RAF1: variants seen among roughly 807,000 people sequenced by gnomAD.
RAF1 encodes RAF proto-oncogene serine/threonine-protein kinase.
RAF1 carries 27 observed loss-of-function variants against 81.1 expected under a neutral mutation model. The ratio of observed to expected loss-of-function variants is 0.33; its 90% CI spans 0.25 to 0.46. The LOEUF (loss-of-function observed/expected upper bound fraction) is 0.46, where lower values mean the gene tolerates loss of function less well. Among genes scored for constraint, RAF1 ranks in the 20% least tolerant of loss-of-function variants. The pLI is 1.00. For missense variants in RAF1, 598 were observed against 826.0 expected (o/e 0.72, Z 3.38); for synonymous variants, 298 against 294.0 (o/e 1.01, Z -0.14).
rs1023550685 is a variant in RAF1, at chr3:12,664,060, C to T, written c.-274G>A. ...AGGCAGCAGAAAGCCGTTCCCGCCT[C>T]ACAATCGTTTTCCTCTTACTCCCGC... On this transcript the variant is annotated 5_prime_UTR_variant, in exon 1 of 18. An upstream open reading frame in the 5' UTR loses its in-frame stop. Coordinates refer to ENST00000442415, the MANE Select transcript of RAF1 (RefSeq NM_001354689.3). 1.3e-5 allele frequency: 5 copies of T among 398,394 alleles called. No individual in the cohort carries two copies. Among genetic ancestry groups the T allele is most frequent in the Non-Finnish European group, 2.2e-5 (5 of 225,978 alleles). The allele number at this position is 398,394 out of a possible 1,614,324, so 24.7% of individuals were successfully genotyped here.
At chr3:12,636,619 C>G (rs1375621501) in intron 1 of RAF1, among the ~76,000 whole-genome samples, 1 of 151,876 alleles carries the variant, frequency 6.6e-6, no homozygotes, top group Non-Finnish European at 1.5e-5. Context: ...CCAGCCTGGG[C>G]AACATGGCGA....
chr3:12,624,885 C>CAAAAAAAAAA (rs11298876), intron 1 of RAF1, among the ~76,000 whole-genome samples: 9 of 111,706 alleles, frequency 8.1e-5, no homozygotes, highest in African/African-American at 2.5e-4. Flanking sequence ...GACTCCAACT[C>CAAAAAAAAAA]AAAAAAAAAA....
chr3:12,651,678 T>G (rs2060531995), intron 1 of RAF1, among the ~76,000 whole-genome samples: 2 of 144,054 alleles, frequency 1.4e-5, no homozygotes, highest in African/African-American at 2.6e-5. Context: ...ATACACGAAT[T>G]GATCACAGAA....
At chr3:12,592,451 G>C (rs1390899132) in intron 11 of RAF1, among the ~76,000 whole-genome samples, 1 of 152,144 alleles carries the variant, frequency 6.6e-6, no homozygotes, top group Non-Finnish European at 1.5e-5. Flanking sequence ...CTGGCACTGT[G>C]TATACTTTTA....
rs1467959139 is a variant in RAF1 at position 12,589,124 on chromosome 3, TAAAC to T, written c.1431-1491_1431-1488del. On this transcript the variant is annotated intron_variant, in intron 13 of 17. Coordinates refer to ENST00000442415, the MANE Select transcript of RAF1 (RefSeq NM_001354689.3). Reference sequence around the variant, plus strand: ...ACAGTCTGCAGAACCCCGAGTCAAATAAACCTCTTTTCTTTATAAATTACCCACC... The same window carrying T: ...ACAGTCTGCAGAACCCCGAGTCAAATCTCTTTTCTTTATAAATTACCCACC... The T allele has an allele frequency of 9.1e-5, 14 of 153,366 alleles. No homozygotes were observed. The South Asian group carries it at 2.5e-3, about 27-fold the overall frequency. The allele number at this position is 153,366 out of a possible 1,614,324, so 9.5% of individuals were successfully genotyped here. A position where few individuals can be genotyped will look rare whatever the true frequency, so the allele number is the denominator to read the frequency against.
chr3:12,639,529 G>A lies in RAF1; in HGVS notation c.-26-20782C>T, dbSNP rs192239201. Among the ~76,000 whole-genome samples the A allele has an allele frequency of 6.9e-3, 1,054 of 152,190 alleles. 6 individuals carry two copies. Among genetic ancestry groups the A allele is most frequent in the African/African-American group, 0.024 (994 of 41,520 alleles). ...GACAGGCAACTTCAGCAAAGTCTCAGGATACAAAATCAATGTGCAAAAATC... is the reference window on the plus strand; with the variant it reads ...GACAGGCAACTTCAGCAAAGTCTCAAGATACAAAATCAATGTGCAAAAATC... On this transcript the variant is annotated intron_variant, in intron 1 of 17. Coordinates refer to ENST00000442415, the MANE Select transcript of RAF1 (RefSeq NM_001354689.3).
intron 2 of RAF1, among the ~76,000 whole-genome samples, chr3:12,616,827 A>C (rs552905358): frequency 6.6e-6 from 1 of 152,188 alleles, no homozygotes; most frequent in South Asian, 2.1e-4. Flanking sequence ...TTTTGAACCC[A>C]AGTTTTCTCA....
rs890823225 is a variant in RAF1, at chr3:12,590,929, T to C, written c.1299A>G (p.Thr433=). ...GGGTCACAATTGCCAGGTTGTCCTT[T>C]GTCATGTACCCCATGAAAAGCAGAA... The change falls in exon 13 of 18, where the codon ACA becomes ACG. Residue 433 remains threonine, a synonymous_variant. Coordinates refer to ENST00000442415, the MANE Select transcript of RAF1 (RefSeq NM_001354689.3). 7 of 1,613,276 alleles carry C rather than the reference T, an allele frequency of 4.3e-6. No individual in the cohort carries two copies. The highest frequency in any genetic ancestry group is 4.0e-5 in the African/African-American group (3 of 74,906).
At chr3:12,649,313 C>T (rs1287570890) in intron 1 of RAF1, among the ~76,000 whole-genome samples, 1 of 151,928 alleles carries the variant, frequency 6.6e-6, no homozygotes, top group Non-Finnish European at 1.5e-5. Context: ...AAAATTTTTC[C>T]CTGGCCAGGC....
intron 1 of RAF1, among the ~76,000 whole-genome samples, chr3:12,651,639 G>A (rs1198765946): frequency 1.4e-5 from 2 of 141,780 alleles, no homozygotes; most frequent in African/African-American, 5.1e-5. Flanking sequence ...GGGCAATAGA[G>A]CGAGACTTGG....
intron 1 of RAF1, among the ~76,000 whole-genome samples, chr3:12,645,107 A>AAT (rs1420041344): frequency 7.3e-5 from 11 of 151,200 alleles, no homozygotes; most frequent in African/African-American, 2.7e-4. Flanking sequence ...CAAAAAAAAA[A>AAT]AAAAAAAAAA....
At position 12,592,186 on chromosome 3, in the gene RAF1, T is replaced by G. The variant is rs959371998; in HGVS notation, c.1169-394A>C. 7.6e-5 allele frequency: 26 copies of G among 341,852 alleles called. 1 individual carries two copies. The East Asian group carries it at 1.8e-3, about 24-fold the overall frequency. 21.2% of individuals were successfully genotyped at this position (341,852 alleles called of 1,614,324 possible). ...CTGGCAAGCCACAGAGGTGAGGTCATGTGTGACAGGTCAAAACCTTGTCCT... is the reference window on the plus strand; with the variant it reads ...CTGGCAAGCCACAGAGGTGAGGTCAGGTGTGACAGGTCAAAACCTTGTCCT... On this transcript the variant is annotated intron_variant, in intron 11 of 17. Coordinates refer to ENST00000442415, the MANE Select transcript of RAF1 (RefSeq NM_001354689.3).
rs557980124 is a variant in RAF1, at chr3:12,598,234, C to T, written c.1168+1457G>A. Among the ~76,000 whole-genome samples, 77 of 152,098 alleles carry T rather than the reference C, an allele frequency of 5.1e-4. No individual in the cohort carries two copies. The South Asian group carries it at 8.9e-3, about 18-fold the overall frequency. ...CGATGTTGCCCAAGCTGTTCTTGAA[C>T]TCCTAGGCTCAAGTGTTCTGCCTGC... is the stretch of plus-strand genomic sequence containing the variant. On this transcript the variant is annotated intron_variant, in intron 11 of 17. Transcript: ENST00000442415.
At position 12,584,954 on chromosome 3, in the gene RAF1, C is replaced by T. The variant is rs750077934; in HGVS notation, c.1756G>A (p.Ala586Thr). Residue 586 changes from alanine (A) to threonine (T), a missense_variant, in exon 17 of 18, where the codon GCC becomes ACC. Physicochemically the swap from Ala to Thr is moderately conservative, Grantham distance 58. Coordinates refer to ENST00000442415, the MANE Select transcript of RAF1 (RefSeq NM_001354689.3). Reference sequence around the variant, plus strand: ...TATAGCTTACTAAGATCTGGGGAGGCATATCCTCGGCCCACCATGAAGATG... The same window carrying T: ...TATAGCTTACTAAGATCTGGGGAGGTATATCCTCGGCCCACCATGAAGATG... 1 of 1,614,164 alleles carries T rather than the reference C, an allele frequency of 6.2e-7. No homozygotes were observed. Among genetic ancestry groups the T allele is most frequent in the Admixed American group, 1.7e-5 (1 of 60,022 alleles).
rs764064049 is a variant in RAF1 at position 12,585,666 on chromosome 3, A to T, written c.1596+15T>A. ...CCCTATACCAGAGACTGCTGGTGGG[A>T]GCCCAGATTCTCACCATCCAGAGGA... is the stretch of plus-strand genomic sequence containing the variant. On this transcript the variant is annotated intron_variant, in intron 15 of 17. Transcript: ENST00000442415. 1.3e-6 allele frequency: 2 copies of T among 1,587,076 alleles called. No individual in the cohort carries two copies. Among genetic ancestry groups the T allele is most frequent in the South Asian group, 1.1e-5 (1 of 90,514 alleles).
At chr3:12,611,019 T>C (rs1190703147) in intron 3 of RAF1, among the ~76,000 whole-genome samples, 5 of 151,896 alleles carry the variant, frequency 3.3e-5, no homozygotes, top group Non-Finnish European at 5.9e-5. Flanking sequence ...AAAAAAAAAT[T>C]AGTGAATGAG....
chr3:12,612,165 C>A (rs905925234), intron 2 of RAF1, 103 bp from the exon 3 acceptor site: 10 of 847,890 alleles, frequency 1.2e-5, no homozygotes, highest in African/African-American at 5.0e-5. Context: ...TGTGATGGCC[C>A]ACGCACACAC....
chr3:12,652,302 C>T (rs1293197339), intron 1 of RAF1, among the ~76,000 whole-genome samples: 1 of 151,968 alleles, frequency 6.6e-6, no homozygotes, highest in Non-Finnish European at 1.5e-5. Flanking sequence ...ATGGGCGGAT[C>T]ATAAGGTCAG....
chr3:12,650,807 G>A (rs1178925815), intron 1 of RAF1, among the ~76,000 whole-genome samples: 1 of 152,168 alleles, frequency 6.6e-6, no homozygotes, highest in Non-Finnish European at 1.5e-5. Context: ...AACAAAATAT[G>A]AAATTAAAGG....
Sources: gnomAD v4.1 joint callset for allele counts (sites outside exome capture counted in the v4.1 genomes callset) on GRCh38, gnomAD v4.1.1 for gene constraint, MANE v1.5 for transcripts, NCBI Gene and HGNC (gene_info 2026-07-23, HGNC 2026-07-21) for gene names.